Variants in ERG observed in about 807,000 individuals in gnomAD.
ERG encodes the protein ETS transcription factor ERG, also known as transcriptional regulator ERG.
ERG carries 9 observed loss-of-function variants against 55.3 expected under a neutral mutation model. The observed-to-expected ratio is 0.16, with a 90% CI of 0.10 to 0.28. The LOEUF (loss-of-function observed/expected upper bound fraction) is 0.28. Among genes scored for constraint, ERG ranks in the 10% least tolerant of loss-of-function variants. The pLI, the probability that ERG is intolerant of heterozygous loss-of-function variation, is 1.00. For missense variants in ERG, 434 were observed against 631.6 expected (o/e 0.69, Z 3.35); for synonymous variants, 223 against 237.3 (o/e 0.94, Z 0.55).
chr21:38,556,800 G>A (rs535221296), intron 2 of ERG, among the ~76,000 whole-genome samples: 1 of 152,300 alleles, frequency 6.6e-6, no homozygotes, highest in South Asian at 2.1e-4. Flanking sequence ...GAGCTACTGA[G>A]GAGACCCACC....
chr21:38,519,016 C>A (rs1393221820), intron 2 of ERG, among the ~76,000 whole-genome samples: 1 of 152,090 alleles, frequency 6.6e-6, no homozygotes, highest in African/African-American at 2.4e-5. Context: ...AAGAGGATAT[C>A]CAACTGCTCA....
chr21:38,645,738 C>G (rs2060452090), intron 1 of ERG, among the ~76,000 whole-genome samples: 1 of 152,152 alleles, frequency 6.6e-6, no homozygotes, highest in South Asian at 2.1e-4. Flanking sequence ...ACATAGACAA[C>G]AAAGACAAAA....
At chr21:38,405,810 C>T (rs947575670) in intron 3 of ERG, among the ~76,000 whole-genome samples, 4 of 152,104 alleles carry the variant, frequency 2.6e-5, no homozygotes, top group African/African-American at 4.8e-5. Flanking sequence ...ACTTGACCAG[C>T]TAGCATTGGA....
intron 2 of ERG, among the ~76,000 whole-genome samples, chr21:38,442,956 C>T (rs979446972): frequency 1.3e-5 from 2 of 152,078 alleles, no homozygotes; most frequent in African/African-American, 2.4e-5. Context: ...TACAGGTGCC[C>T]ACCACCACGC....
intron 1 of ERG, among the ~76,000 whole-genome samples, chr21:38,620,045 C>T (rs185966461): frequency 5.3e-5 from 8 of 152,324 alleles, no homozygotes; most frequent in Non-Finnish European, 1.0e-4. Flanking sequence ...CGCCACAGAA[C>T]GCCAGCCAAG....
intron 1 of ERG, among the ~76,000 whole-genome samples, chr21:38,488,573 C>T (rs1278702914): frequency 1.3e-5 from 2 of 152,036 alleles, no homozygotes; most frequent in African/African-American, 2.4e-5. Context: ...ACAATGCATT[C>T]GTTGGAATTT....
chr21:38,587,557 C>T (rs1450991812), upstream of ERG, among the ~76,000 whole-genome samples: 5 of 152,130 alleles, frequency 3.3e-5, no homozygotes, highest in East Asian at 9.7e-4. Context: ...GGGGTTTCAT[C>T]GTGTTAGCCA....
At chr21:38,424,652 G>C (rs1407845834) in intron 2 of ERG, among the ~76,000 whole-genome samples, 1 of 152,222 alleles carries the variant, frequency 6.6e-6, no homozygotes, top group African/African-American at 2.4e-5. Flanking sequence ...GCTCAGTGAG[G>C]TTTATCCTGG....
In ERG at chr21:38,445,295, C is replaced by A; in HGVS notation, c.236+109G>T. 1.8e-5 allele frequency: 15 copies of A among 852,222 alleles called. No individual in the cohort carries two copies. The South Asian group carries it at 2.2e-4, about 12-fold the overall frequency. The allele number at this position is 852,222 out of a possible 1,614,324, so 52.8% of individuals were successfully genotyped here. ...TAGCTGGGATTACAGGCACAGTGGC[C>A]TTGCTTTCTAAGTCAATCTTTAGAG... On this transcript the variant is annotated intron_variant, in intron 2 of 9. Coordinates refer to ENST00000288319, the MANE Select transcript of ERG (RefSeq NM_182918.4).
chr21:38,436,142 C>T (rs1374870635), intron 2 of ERG, among the ~76,000 whole-genome samples: 2 of 150,106 alleles, frequency 1.3e-5, no homozygotes, highest in Non-Finnish European at 3.0e-5. Flanking sequence ...CCGCCTCAGC[C>T]TCCGGGATTA....
At chr21:38,497,392 C>A (rs1336614751) in intron 1 of ERG, among the ~76,000 whole-genome samples, 2 of 152,178 alleles carry the variant, frequency 1.3e-5, no homozygotes, top group Admixed American at 1.3e-4. Flanking sequence ...GCAACAAACA[C>A]AATTTTCTTT....
At chr21:38,604,090 TAAA>T (rs369603620) in intron 1 of ERG, among the ~76,000 whole-genome samples, 1 of 143,928 alleles carries the variant, frequency 6.9e-6, no homozygotes, top group African/African-American at 2.5e-5. Context: ...CTACTAAAAA[TAAA>T]AAAAAAAAAA....
intron 1 of ERG, among the ~76,000 whole-genome samples, chr21:38,579,167 A>G (rs940024003): frequency 6.6e-6 from 1 of 152,162 alleles, no homozygotes; most frequent in Non-Finnish European, 1.5e-5. Context: ...GGATTCCAAA[A>G]ATCAAAACAT....
intron 1 of ERG, among the ~76,000 whole-genome samples, chr21:38,493,297 A>G (rs1485912507): frequency 1.3e-5 from 2 of 152,230 alleles, no homozygotes; most frequent in East Asian, 3.9e-4. Context: ...ATAGAATATA[A>G]TGAAACAAAA....
chr21:38,532,919 A>T (rs1215770338), intron 2 of ERG, among the ~76,000 whole-genome samples: 2 of 152,230 alleles, frequency 1.3e-5, no homozygotes, highest in East Asian at 3.8e-4. Flanking sequence ...TTCTCAACCG[A>T]TTTTAGAGAC....
At chr21:38,391,738 G>T (rs2146429475) in intron 7 of ERG, 23 bp from the exon 8 acceptor site, 1 of 1,606,836 alleles carries the variant, frequency 6.2e-7, no homozygotes, top group Non-Finnish European at 8.5e-7. Context: ...AAATACAAAA[G>T]GCAATTAGCT....
chr21:38,465,266 T>C (rs527813305), intron 1 of ERG, among the ~76,000 whole-genome samples: 2 of 152,298 alleles, frequency 1.3e-5, no homozygotes, highest in East Asian at 3.9e-4. Flanking sequence ...ACAGAGACTT[T>C]TTGAAAAATT....
intron 2 of ERG, among the ~76,000 whole-genome samples, chr21:38,510,361 G>A (rs896617420): frequency 3.9e-5 from 6 of 152,110 alleles, no homozygotes; most frequent in South Asian, 4.1e-4. Context: ...GCATTAATGC[G>A]TCTCACACGT....
chr21:38,423,780 G>T (rs1034568944), intron 2 of ERG, among the ~76,000 whole-genome samples: 1 of 152,084 alleles, frequency 6.6e-6, no homozygotes, highest in Non-Finnish European at 1.5e-5. Flanking sequence ...GAGGTCAAGA[G>T]ATCCAGACCA....
Sources: gnomAD v4.1 joint callset for allele counts (sites outside exome capture counted in the v4.1 genomes callset) on GRCh38, gnomAD v4.1.1 for gene constraint, MANE v1.5 for transcripts, NCBI Gene and HGNC (gene_info 2026-07-23, HGNC 2026-07-21) for gene names.